Variants in NXPE2 observed in about 807,000 individuals in gnomAD.
NXPE2 encodes the protein NXPE family member 2.
NXPE2 carries 34 observed loss-of-function variants against 34.4 expected under a neutral mutation model. That is an observed-to-expected ratio of 0.99 (90% confidence interval 0.75 to 1.31). The LOEUF (loss-of-function observed/expected upper bound fraction) is 1.31. Among genes scored for constraint, NXPE2 ranks in the 40% most tolerant of loss-of-function variants. The pLI, the probability that NXPE2 is intolerant of heterozygous loss-of-function variation, is 0.00. For synonymous variants in NXPE2, 235 were observed against 231.3 expected, an observed-to-expected ratio of 1.02 and a Z score of -0.15; for missense variants, 649 against 672.5, an observed-to-expected ratio of 0.97 and a Z score of 0.39.
chr11:114,776,281 C>A, the NXPE2 span, among the ~76,000 whole-genome samples: 5,477 of 152,350 alleles, frequency 0.036, 333 homozygotes, highest in African/African-American at 0.12. Flanking sequence ...CAACAACCTG[C>A]GGGTTGCTAT....
the NXPE2 span, among the ~76,000 whole-genome samples, chr11:114,611,822 C>T: frequency 4.6e-5 from 7 of 151,490 alleles, no homozygotes; most frequent in Admixed American, 6.6e-5. Context: ...CACTGTTACC[C>T]GGTGGATAAT....
chr11:114,634,392 A>G, the NXPE2 span, among the ~76,000 whole-genome samples: 1 of 151,688 alleles, frequency 6.6e-6, no homozygotes, highest in Non-Finnish European at 1.5e-5. Context: ...GGTTGTGAAG[A>G]TTTTCTCCCA....
downstream of NXPE2, among the ~76,000 whole-genome samples, chr11:114,709,491 C>T (rs1859569749): frequency 6.6e-6 from 1 of 152,152 alleles, no homozygotes; most frequent in Non-Finnish European, 1.5e-5. Context: ...CAGATAATGA[C>T]TATATTGCTA....
chr11:114,591,817 T>C, the NXPE2 span, among the ~76,000 whole-genome samples: 1 of 152,144 alleles, frequency 6.6e-6, no homozygotes, highest in African/African-American at 2.4e-5. Context: ...ACAGGAGATG[T>C]CTGGACTGAC....
At chr11:114,695,357 A>G (rs577516556) in intron 2 of NXPE2, among the ~76,000 whole-genome samples, 1 of 152,164 alleles carries the variant, frequency 6.6e-6, no homozygotes, top group Non-Finnish European at 1.5e-5. Flanking sequence ...TTGTGCCCTT[A>G]AATCGTGACC....
chr11:114,620,130 G>A, the NXPE2 span, among the ~76,000 whole-genome samples: 12,912 of 150,180 alleles, frequency 0.086, 663 homozygotes, highest in Middle Eastern at 0.22. Context: ...GTATTTCCTC[G>A]TGGGAAACCA....
At chr11:114,758,904 T>A in the NXPE2 span, among the ~76,000 whole-genome samples, 2 of 150,936 alleles carry the variant, frequency 1.3e-5, no homozygotes, top group East Asian at 1.9e-4. Flanking sequence ...TTATATATTT[T>A]TACTATATGT....
chr11:114,613,539 T>C, the NXPE2 span, among the ~76,000 whole-genome samples: 1 of 151,884 alleles, frequency 6.6e-6, no homozygotes, highest in East Asian at 1.9e-4. Context: ...TAATCACTGT[T>C]ACCTGCTGCA....
chr11:114,676,320 C>G (rs1411257254), upstream of NXPE2, among the ~76,000 whole-genome samples: 1 of 151,628 alleles, frequency 6.6e-6, no homozygotes, highest in Non-Finnish European at 1.5e-5. Context: ...GAAGAGACAA[C>G]CTACGAAATG....
the NXPE2 span, among the ~76,000 whole-genome samples, chr11:114,602,298 ATATACTATATATAATATATAT>A: frequency 1.7e-5 from 2 of 117,998 alleles, no homozygotes; most frequent in Non-Finnish European, 3.2e-5. Flanking sequence ...TATCTATAAC[ATATACTATATATAATATATAT>A]TATACTATAT....
At chr11:114,649,435 T>C in the NXPE2 span, among the ~76,000 whole-genome samples, 1 of 152,164 alleles carries the variant, frequency 6.6e-6, no homozygotes, top group Non-Finnish European at 1.5e-5. Flanking sequence ...CATGTTAGCA[T>C]ATGGAAGGAC....
chr11:114,664,699 A>G, the NXPE2 span, among the ~76,000 whole-genome samples: 1 of 152,292 alleles, frequency 6.6e-6, no homozygotes, highest in East Asian at 1.9e-4. Flanking sequence ...AAGTGGTGCA[A>G]AAGTGATAAG....
intron 2 of NXPE2, among the ~76,000 whole-genome samples, chr11:114,697,517 G>T (rs1411179760): frequency 6.6e-6 from 1 of 152,164 alleles, no homozygotes; most frequent in South Asian, 2.1e-4. Flanking sequence ...GTGATGCTTT[G>T]TGATGTCAGC....
chr11:114,697,183 A>T (rs1433098779), intron 2 of NXPE2, among the ~76,000 whole-genome samples: 1 of 152,220 alleles, frequency 6.6e-6, no homozygotes, highest in East Asian at 1.9e-4. Flanking sequence ...GATGTAAATA[A>T]GTGAAAGGGC....
At chr11:114,738,769 C>T in the NXPE2 span, among the ~76,000 whole-genome samples, 2 of 152,224 alleles carry the variant, frequency 1.3e-5, no homozygotes, top group African/African-American at 4.8e-5. Context: ...CTTAGGCCAG[C>T]CTCCCAGCAC....
At chr11:114,699,851 T>A (rs938532892) in intron 3 of NXPE2, among the ~76,000 whole-genome samples, 1 of 151,348 alleles carries the variant, frequency 6.6e-6, no homozygotes, top group Non-Finnish European at 1.5e-5. Context: ...TGGAGTGCAG[T>A]GGTGCGATCT....
At chr11:114,571,381 A>T in the NXPE2 span, 2 of 1,613,648 alleles carry the variant, frequency 1.2e-6, no homozygotes, top group Admixed American at 3.3e-5. Context: ...GGATAACAAT[A>T]TTTTTGCCAC....
the NXPE2 span, among the ~76,000 whole-genome samples, chr11:114,762,649 C>T: frequency 6.6e-6 from 1 of 152,192 alleles, no homozygotes; most frequent in Non-Finnish European, 1.5e-5. Flanking sequence ...GCAGAGGCTT[C>T]TCCCTGCTGG....
the NXPE2 span, among the ~76,000 whole-genome samples, chr11:114,602,979 T>G: frequency 6.6e-6 from 1 of 150,500 alleles, no homozygotes; most frequent in African/African-American, 2.4e-5. Flanking sequence ...AATCATATAA[T>G]TATCTCATAT....
Sources: allele counts gnomAD v4.1 joint callset (sites outside exome capture counted in the v4.1 genomes callset), GRCh38; gene constraint gnomAD v4.1.1; transcripts MANE v1.5; gene names NCBI Gene and HGNC (gene_info 2026-07-23, HGNC 2026-07-21).